SLC45A1: variants seen among roughly 807,000 people sequenced by gnomAD.
SLC45A1 encodes proton-associated sugar transporter A.
In SLC45A1, 28 loss-of-function variants were observed where a neutral mutation model predicts 57.6. The ratio of observed to expected loss-of-function variants is 0.49; its 90% CI spans 0.36 to 0.67. The LOEUF is 0.67. Among genes scored for constraint, SLC45A1 ranks in the 30% least tolerant of loss-of-function variants. The pLI, the probability that SLC45A1 is intolerant of heterozygous loss-of-function variation, is 0.00. For missense variants in SLC45A1, 814 were observed against 1,041.5 expected, an observed-to-expected ratio of 0.78 and a Z score of 3.01; for synonymous variants, 459 against 471.5, an observed-to-expected ratio of 0.97 and a Z score of 0.34.
chr1:8,325,251 T>G lies in SLC45A1; in HGVS notation c.398-47T>G, dbSNP rs1299553301. 1 of 1,258,910 alleles carries G rather than the reference T, an allele frequency of 7.9e-7. No homozygotes were observed. Among genetic ancestry groups the G allele is most frequent in the Non-Finnish European group, 1.2e-6 (1 of 859,080 alleles). 78.0% of individuals were successfully genotyped at this position (1,258,910 alleles called of 1,614,324 possible). On this transcript the variant is annotated intron_variant, in intron 2 of 8. Transcript: ENST00000471889. This position sits in a 1 kb window ranked among gnomAD's most constrained non-coding sequence, Gnocchi z 6.3. ...TGTGGAGGCTGATTCGATGTCCCCATGTGCCATGGGGACCCTGGCAATGAC... is the reference window on the plus strand; with the variant it reads ...TGTGGAGGCTGATTCGATGTCCCCAGGTGCCATGGGGACCCTGGCAATGAC...
chr1:8,322,253 GA>G (rs1317079798), intron 1 of SLC45A1, among the ~76,000 whole-genome samples: 32 of 100 alleles, frequency 0.32, 3 homozygotes, highest in East Asian at 0.5. Context: ...ATGGATGGAT[GA>G]GATGGATGGA....
rs535760519 is a variant in SLC45A1 at position 8,326,904 on chromosome 1, C to T, written c.715+862C>T. Among the ~76,000 whole-genome samples the T allele has an allele frequency of 9.8e-5, 15 of 152,302 alleles. No homozygotes were observed. Among genetic ancestry groups the T allele is most frequent in the South Asian group, 2.1e-4 (1 of 4,822 alleles). ...CTGAGGCAGGAGAATCACTTGAATC[C>T]GGGAGGCGGAGGTTGCAGTGAACTG... On this transcript the variant is annotated intron_variant, in intron 4 of 8. Coordinates refer to ENST00000471889, the MANE Select transcript of SLC45A1 (RefSeq NM_001080397.3). This position sits in a 1 kb window ranked among gnomAD's most constrained non-coding sequence, Gnocchi z 5.5.
chr1:8,337,913 G>A lies in SLC45A1; in HGVS notation c.1695G>A (p.Ala565=), dbSNP rs142256672. The A allele has an allele frequency of 6.6e-5, 106 of 1,614,098 alleles. No individual in the cohort carries two copies. In the East Asian group the frequency reaches 1.0e-3, roughly 16 times the overall value. Residue 565 remains alanine, a synonymous_variant, in exon 7 of 9, where the codon GCG becomes GCA. Transcript: ENST00000471889. ...CCAAGGCCCCGCACACATCAGAGGC[G>A]TATCAGAAGTACAACAGCGGCGTGA... The part of the protein sequence containing the change: ...GDPKAPHTSE[A]YQKYNSGVTM...
At position 8,330,180 on chromosome 1, in the gene SLC45A1, G is replaced by A. The variant is rs780476814; in HGVS notation, c.716-29G>A. Reference sequence around the variant, plus strand: ...GTTTGGGGCTTCTCCTCCCGCAGAAGGGAACTCAAACCCTGTCTCTTTCCC... The same window carrying A: ...GTTTGGGGCTTCTCCTCCCGCAGAAAGGAACTCAAACCCTGTCTCTTTCCC... On this transcript the variant is annotated intron_variant, in intron 4 of 8. Coordinates refer to ENST00000471889, the MANE Select transcript of SLC45A1 (RefSeq NM_001080397.3). The surrounding 1 kb of genome is among the most constrained non-coding windows in gnomAD (Gnocchi z 8.4). 3 of 1,601,120 alleles carry A rather than the reference G, an allele frequency of 1.9e-6. No individual in the cohort carries two copies. Among genetic ancestry groups the A allele is most frequent in the South Asian group, 1.1e-5 (1 of 90,118 alleles).
Position 8,343,683 on chromosome 1 carries a change from C to G in SLC45A1, c.1981-64C>G. The G allele has an allele frequency of 6.4e-7, 1 of 1,551,170 alleles. No homozygotes were observed. The highest frequency in any genetic ancestry group is 1.2e-5 in the South Asian group (1 of 82,828). On this transcript the variant is annotated intron_variant, in intron 8 of 8. Coordinates refer to ENST00000471889, the MANE Select transcript of SLC45A1 (RefSeq NM_001080397.3). The surrounding 1 kb of genome is among the most constrained non-coding windows in gnomAD (Gnocchi z 7.7). Reference sequence around the variant, plus strand: ...GGCCTCCTGGGCTCGCAGGACACACCGAGCTCGGTCACCCCGTGCTGGCCG... The same window carrying G: ...GGCCTCCTGGGCTCGCAGGACACACGGAGCTCGGTCACCCCGTGCTGGCCG...
rs958238811 is a variant in SLC45A1, at chr1:8,343,759, A to C, written c.1993A>C (p.Ser665Arg). The C allele has an allele frequency of 6.2e-7, 1 of 1,612,940 alleles. No homozygotes were observed. The highest frequency in any genetic ancestry group is 8.5e-7 in the Non-Finnish European group (1 of 1,179,220). The change falls in exon 9 of 9, where the codon AGT (serine) becomes CGT (arginine). Residue 665 changes from serine to arginine, a missense_variant. Transcript: ENST00000471889. This position sits in a 1 kb window ranked among gnomAD's most constrained non-coding sequence, Gnocchi z 7.7. The part of the protein sequence containing the change: ...YYQSKKFAGS[S>R]ADGTRRGMGV... ...TCCTCTGGGTCAGTTTGCAGGGTCC[A>C]GTGCGGACGGCACCCGGCGGGGCAT...
chr1:8,342,439 T>C (rs896191907), intron 8 of SLC45A1, among the ~76,000 whole-genome samples: 3 of 152,034 alleles, frequency 2.0e-5, no homozygotes, highest in Admixed American at 6.6e-5. Context: ...ACCCTCCCAC[T>C]CTCCCAGGCC....
chr1:8,321,529 C>A (rs1640008395), intron 1 of SLC45A1, among the ~76,000 whole-genome samples: 2 of 152,214 alleles, frequency 1.3e-5, no homozygotes, highest in Admixed American at 1.3e-4. Context: ...TTCTACCCCC[C>A]AGGAAGGCCC....
At chr1:8,336,521 T>C (rs1259347049) in intron 6 of SLC45A1, among the ~76,000 whole-genome samples, 1 of 152,048 alleles carries the variant, frequency 6.6e-6, no homozygotes, top group Non-Finnish European at 1.5e-5. Flanking sequence ...ATCTTAAAAA[T>C]GGTCCTACCT....
rs535071477 is a variant in SLC45A1 at position 8,320,661 on chromosome 1, C to G, written c.-25+2475C>G. Among the ~76,000 whole-genome samples the G allele has an allele frequency of 3.7e-3, 517 of 139,276 alleles. 3 individuals carry two copies. Among genetic ancestry groups the G allele is most frequent in the Non-Finnish European group, 5.2e-3 (341 of 65,922 alleles). The allele number at this position is 139,276 out of a possible 152,430, so 91.4% of individuals were successfully genotyped here. On this transcript the variant is annotated intron_variant, in intron 1 of 8. Coordinates refer to ENST00000471889, the MANE Select transcript of SLC45A1 (RefSeq NM_001080397.3). ...TGTCTGTCTGTCTGTCTGTCTGTCT[C>G]TCTCTCTCTCTCTCTGTTTCTCTCT...
rs566261254 is a variant in SLC45A1, at chr1:8,344,087, G to C, written c.*74G>C. 7.1e-6 allele frequency: 10 copies of C among 1,412,838 alleles called. No homozygotes were observed. The highest frequency in any genetic ancestry group is 9.6e-6 in the Non-Finnish European group (10 of 1,045,464). 87.5% of individuals were successfully genotyped at this position (1,412,838 alleles called of 1,614,324 possible). On this transcript the variant is annotated 3_prime_UTR_variant, in exon 9 of 9. Coordinates refer to ENST00000471889, the MANE Select transcript of SLC45A1 (RefSeq NM_001080397.3). ...AGCAGGCCGACCAGTGAGGACCAAA[G>C]GGCCTTGTTGGACAGGGGGACTGGC...
chr1:8,330,093 G>A lies in SLC45A1; in HGVS notation c.716-116G>A, dbSNP rs1640335694. 2.3e-6 allele frequency: 3 copies of A among 1,307,040 alleles called. No individual in the cohort carries two copies. The highest frequency in any genetic ancestry group is 4.2e-5 in the Admixed American group (2 of 47,710). 81.0% of individuals were successfully genotyped at this position (1,307,040 alleles called of 1,614,324 possible). On this transcript the variant is annotated intron_variant, in intron 4 of 8. Transcript: ENST00000471889. This position sits in a 1 kb window ranked among gnomAD's most constrained non-coding sequence, Gnocchi z 8.4. The stretch of plus-strand genomic sequence containing the variant: ...TTGGGGTTTAGGTGGAACAGGTTCT[G>A]TGCCCACGTCCCTGGAATGGCCTTG...
intron 1 of SLC45A1, among the ~76,000 whole-genome samples, chr1:8,318,585 A>G (rs1639897020): frequency 6.6e-6 from 1 of 152,186 alleles, no homozygotes; most frequent in East Asian, 1.9e-4. Flanking sequence ...GGGGCCTGGC[A>G]ACGCCCCTCA....
rs1290688775 is a variant in SLC45A1 at position 8,341,133 on chromosome 1, A to G, written c.1980+1435A>G. Among the ~76,000 whole-genome samples, 6 of 149,952 alleles carry G rather than the reference A, an allele frequency of 4.0e-5. No individual in the cohort carries two copies. In the Admixed American group the frequency reaches 4.0e-4, roughly 10 times the overall value. On this transcript the variant is annotated intron_variant, in intron 8 of 8. Coordinates refer to ENST00000471889, the MANE Select transcript of SLC45A1 (RefSeq NM_001080397.3). Reference sequence around the variant, plus strand: ...CTTGAATCTGGGAGGCGGAGGTTGCAGTGAGCCGAGATGGCGAGATGGTGC... The same window carrying G: ...CTTGAATCTGGGAGGCGGAGGTTGCGGTGAGCCGAGATGGCGAGATGGTGC...
rs1221623235 is a variant in SLC45A1 at position 8,335,252 on chromosome 1, A to G, written c.1444-185A>G. On this transcript the variant is annotated intron_variant, in intron 5 of 8. Transcript: ENST00000471889. The surrounding 1 kb of genome is among the most constrained non-coding windows in gnomAD (Gnocchi z 4.1). ...CCTTAGCTGCTCCGGGGCCTCGGAA[A>G]CAATGCCCTGAATTTGTTCCTCTGA... Among the ~76,000 whole-genome samples, 1 of 152,218 alleles carries G rather than the reference A, an allele frequency of 6.6e-6. No individual in the cohort carries two copies. Among genetic ancestry groups the G allele is most frequent in the Non-Finnish European group, 1.5e-5 (1 of 68,036 alleles).
intron 8 of SLC45A1, among the ~76,000 whole-genome samples, chr1:8,342,988 C>A (rs1179754483): frequency 6.6e-6 from 1 of 152,128 alleles, no homozygotes; most frequent in Non-Finnish European, 1.5e-5. Flanking sequence ...TAATCTCATG[C>A]CTCAGTTGCC....
chr1:8,329,631 A>G (rs1373731244), intron 4 of SLC45A1, among the ~76,000 whole-genome samples: 1 of 152,246 alleles, frequency 6.6e-6, no homozygotes, highest in Admixed American at 6.5e-5. Context: ...TGGAATGAGA[A>G]CAGAGCAGAA....
chr1:8,324,303 C>G lies in SLC45A1; in HGVS notation c.-24-3C>G. 6.2e-7 allele frequency: 1 copy of G among 1,603,526 alleles called. No homozygotes were observed. Among genetic ancestry groups the G allele is most frequent in the Non-Finnish European group, 8.5e-7 (1 of 1,174,062 alleles). On this transcript the variant is annotated splice_region_variant and splice_polypyrimidine_tract_variant and intron_variant, in intron 1 of 8. Transcript: ENST00000471889. ...GTGGCCTCCCCACGGGCTTTCCTCACAGGGACGCCCACCAGCCCTCCCCAC... is the reference window on the plus strand; with the variant it reads ...GTGGCCTCCCCACGGGCTTTCCTCAGAGGGACGCCCACCAGCCCTCCCCAC...
rs1640141511 is a variant in SLC45A1 at position 8,324,686 on chromosome 1, C to T, written c.357C>T (p.Asp119=). 1 of 1,595,112 alleles carries T rather than the reference C, an allele frequency of 6.3e-7. No homozygotes were observed. The change falls in exon 2 of 9, where the codon GAC becomes GAT. Residue 119 remains aspartate (D), a synonymous_variant. Transcript: ENST00000471889. The stretch of plus-strand genomic sequence containing the variant: ...TGCTCCTGCAGATGGGCCTGCCCGA[C>T]CAGCTCTACAGCCTGGTGTGGTTCA... ...TPVLLQMGLP[D]QLYSLVWFIS...
Sources: allele counts gnomAD v4.1 joint callset (sites outside exome capture counted in the v4.1 genomes callset), GRCh38; gene constraint gnomAD v4.1.1; non-coding constraint Gnocchi (gnomAD v3.1); transcripts MANE v1.5; gene names NCBI Gene and HGNC (gene_info 2026-07-23, HGNC 2026-07-21).